Variants in LPP observed in about 807,000 individuals in gnomAD.
The protein encoded by LPP is lipoma-preferred partner.
A neutral mutation model predicts 60.4 loss-of-function variants in LPP; 38 were observed. The observed-to-expected ratio is 0.63, with a 90% CI of 0.49 to 0.83. The LOEUF (loss-of-function observed/expected upper bound fraction) is 0.83. Among genes scored for constraint, LPP ranks in the 40% least tolerant of loss-of-function variants. The probability of loss-of-function intolerance (pLI) is 0.00; values close to 1 mark genes in which losing one functional copy is unlikely to be tolerated. For synonymous variants in LPP, 328 were observed against 290.8 expected (o/e 1.13, Z -1.30); for missense variants, 902 against 783.6 (o/e 1.15, Z -1.80).
chr3:188,532,479 A>G (rs1320044009), intron 6 of LPP, among the ~76,000 whole-genome samples: 1 of 152,202 alleles, frequency 6.6e-6, no homozygotes, highest in East Asian at 1.9e-4. Context: ...TGAGTAGCAT[A>G]GAGGAAAGAG....
At chr3:188,753,905 C>G (rs142665120) in intron 8 of LPP, among the ~76,000 whole-genome samples, 2 of 152,196 alleles carry the variant, frequency 1.3e-5, no homozygotes, top group Admixed American at 6.5e-5. Context: ...ATCAGATATA[C>G]ACAAGCACAG....
At chr3:188,766,621 A>T (rs1032185028) in intron 9 of LPP, among the ~76,000 whole-genome samples, 3 of 152,128 alleles carry the variant, frequency 2.0e-5, no homozygotes, top group Non-Finnish European at 4.4e-5. Flanking sequence ...TGGGCCTCTG[A>T]TTCCCAAGGC....
intron 4 of LPP, among the ~76,000 whole-genome samples, chr3:188,439,311 C>T (rs929004589): frequency 2.0e-5 from 3 of 152,206 alleles, no homozygotes; most frequent in African/African-American, 7.2e-5. Context: ...TCTCACCAAC[C>T]AGTCCCCATG....
At chr3:188,552,222 T>G (rs1425399437) in intron 6 of LPP, among the ~76,000 whole-genome samples, 1 of 152,174 alleles carries the variant, frequency 6.6e-6, no homozygotes, top group Non-Finnish European at 1.5e-5. Context: ...CTGAAGTGAT[T>G]TCTACAGTAG....
At chr3:188,872,991 T>C (rs972626705) in intron 11 of LPP, among the ~76,000 whole-genome samples, 1 of 152,186 alleles carries the variant, frequency 6.6e-6, no homozygotes, top group African/African-American at 2.4e-5. Context: ...CTCAAGTCCT[T>C]AACTCCTCCA....
chr3:188,659,156 G>A (rs1376445296), intron 7 of LPP, among the ~76,000 whole-genome samples: 1 of 152,162 alleles, frequency 6.6e-6, no homozygotes, highest in African/African-American at 2.4e-5. Context: ...TTAGGTAGCA[G>A]GGATAATTTT....
At position 188,872,745 on chromosome 3, in the gene LPP, T is replaced by G. The variant is rs368156262; in HGVS notation, c.1692T>G (p.Val564=). The change falls in exon 11 of 12, where the codon GTT becomes GTG. Residue 564 remains valine (V), a synonymous_variant. Coordinates refer to ENST00000617246, the MANE Select transcript of LPP (RefSeq NM_001375462.1). ...TGGCTTTGGATCGAGATTTCCATGT[T>G]CACTGCTACCGATGCGAGGTCTGGT... ...RIVALDRDFH[V]HCYRCEDCGG... The G allele has an allele frequency of 1.9e-6, 3 of 1,614,058 alleles. No homozygotes were observed. In the African/African-American group the frequency reaches 4.0e-5, roughly 22 times the overall value.
chr3:188,441,609 C>CTTTCTTTTTTTTT (rs1793886236), intron 4 of LPP, among the ~76,000 whole-genome samples: 6 of 55,674 alleles, frequency 1.1e-4, no homozygotes, highest in Non-Finnish European at 1.7e-4. Context: ...CTTTTCTTTT[C>CTTTCTTTTTTTTT]TTTTTTTTTT....
At chr3:188,275,704 G>T (rs6794465) in intron 2 of LPP, among the ~76,000 whole-genome samples, 109,945 of 151,542 alleles carry the variant, frequency 0.73, 41,040 homozygotes, top group African/African-American at 0.9. Context: ...CTTTGAAACG[G>T]AGTCTCTGTT....
rs534990139 is a variant in LPP, at chr3:188,623,553, C to T, written c.1113+13709C>T. Among the ~76,000 whole-genome samples the T allele has an allele frequency of 2.3e-3, 356 of 152,228 alleles. 3 individuals are homozygous for T. Among genetic ancestry groups the T allele is most frequent in the Middle Eastern group, 0.01 (3 of 294 alleles). On this transcript the variant is annotated intron_variant, in intron 7 of 11. Transcript: ENST00000617246. ...GATTACAGGCATGAGCCACCGTGCCCGGCTGAAGATACTATAAACATCTTG... is the reference window on the plus strand; with the variant it reads ...GATTACAGGCATGAGCCACCGTGCCTGGCTGAAGATACTATAAACATCTTG...
At chr3:188,585,673 C>T (rs1837279543) in intron 6 of LPP, among the ~76,000 whole-genome samples, 1 of 152,188 alleles carries the variant, frequency 6.6e-6, no homozygotes, top group South Asian at 2.1e-4. Flanking sequence ...ACGTCAAAAC[C>T]ATTTACAATT....
intron 2 of LPP, among the ~76,000 whole-genome samples, chr3:188,241,899 G>C (rs1016531615): frequency 1.3e-5 from 2 of 152,254 alleles, no homozygotes; most frequent in East Asian, 1.9e-4. Flanking sequence ...CTGACTTCCA[G>C]CTAGGCATAT....
intron 6 of LPP, among the ~76,000 whole-genome samples, chr3:188,606,484 G>GT (rs1429588575): frequency 1.8e-4 from 28 of 151,840 alleles, no homozygotes; most frequent in Middle Eastern, 3.2e-3. Flanking sequence ...GTTTTGTTCT[G>GT]TTTTTTTGGA....
intron 7 of LPP, among the ~76,000 whole-genome samples, chr3:188,631,240 A>G (rs1385586549): frequency 6.6e-6 from 1 of 152,192 alleles, no homozygotes; most frequent in African/African-American, 2.4e-5. Context: ...TTCTAGCCTG[A>G]GTGATAAACA....
intron 7 of LPP, among the ~76,000 whole-genome samples, chr3:188,632,605 C>T (rs1017279698): frequency 2.0e-5 from 3 of 152,222 alleles, no homozygotes; most frequent in East Asian, 3.8e-4. Context: ...AAGCTGAGAA[C>T]ATCCAGTCAC....
intron 7 of LPP, among the ~76,000 whole-genome samples, chr3:188,654,230 T>C (rs981491560): frequency 2.6e-5 from 4 of 152,200 alleles, no homozygotes; most frequent in African/African-American, 7.2e-5. Flanking sequence ...AGAGAAACGA[T>C]GTTCTTTAGG....
Position 188,760,281 on chromosome 3 carries a change from T to A in LPP, c.1409T>A (p.Ile470Asn), listed in dbSNP as rs537058764. 40 of 1,613,900 alleles carry A rather than the reference T, an allele frequency of 2.5e-5. No homozygotes were observed. The highest frequency in any genetic ancestry group is 3.4e-5 in the Non-Finnish European group (40 of 1,179,972). The change falls in exon 9 of 12, where the codon ATT becomes AAT. Residue 470 changes from isoleucine to asparagine, a missense_variant and splice_region_variant. Coordinates refer to ENST00000617246, the MANE Select transcript of LPP (RefSeq NM_001375462.1). ...EKKAYCEPCY[I>N]NTLEQCNVCS... ...AAAGCATACTGCGAGCCCTGCTACA[T>A]TGTAAGTTCCAGATTTGTTCCTCAA...
intron 2 of LPP, among the ~76,000 whole-genome samples, chr3:188,264,578 A>T (rs1734795662): frequency 6.6e-6 from 1 of 151,902 alleles, no homozygotes; most frequent in Admixed American, 6.6e-5. Context: ...GAGGTAGGGG[A>T]GGGAGGTGGG....
At chr3:188,525,262 G>A (rs1560519627) in intron 6 of LPP, among the ~76,000 whole-genome samples, 2 of 152,194 alleles carry the variant, frequency 1.3e-5, no homozygotes, top group Admixed American at 6.5e-5. Context: ...ACCATGCCCG[G>A]CCCTTTTATT....
Sources: gnomAD v4.1 joint callset for allele counts (sites outside exome capture counted in the v4.1 genomes callset) on GRCh38, gnomAD v4.1.1 for gene constraint, MANE v1.5 for transcripts, NCBI Gene and HGNC (gene_info 2026-07-23, HGNC 2026-07-21) for gene names.